ROR2: variants seen among roughly 807,000 people sequenced by gnomAD.
ROR2 encodes the protein ROR family WNT receptor 2.
Under a neutral mutation model 74.9 loss-of-function variants are expected in ROR2, and 33 were observed. That is an observed-to-expected ratio of 0.44 (90% CI 0.33 to 0.59). The LOEUF (loss-of-function observed/expected upper bound fraction) is 0.59. ROR2 is among the 20% of genes least tolerant of loss of function. The probability of loss-of-function intolerance (pLI) is 0.02; values close to 1 mark genes in which losing one functional copy is unlikely to be tolerated. For synonymous variants in ROR2, 586 were observed against 558.7 expected, an observed-to-expected ratio of 1.05 and a Z score of -0.69; for missense variants, 1,216 against 1,313.8, an observed-to-expected ratio of 0.93 and a Z score of 1.15.
chr9:91,736,825 C>A (rs1009950527), intron 5 of ROR2, among the ~76,000 whole-genome samples: 1 of 152,170 alleles, frequency 6.6e-6, no homozygotes, highest in Non-Finnish European at 1.5e-5. Context: ...CTTTCTCAGA[C>A]CCTGAACCAG....
At chr9:91,893,374 C>T (rs113787122) in intron 1 of ROR2, among the ~76,000 whole-genome samples, 9,192 of 151,870 alleles carry the variant, frequency 0.061, 434 homozygotes, top group African/African-American at 0.12. Flanking sequence ...AGGAAGGCGG[C>T]GGTTGCAGTG....
chr9:91,729,277 A>G (rs1587661029), intron 7 of ROR2, among the ~76,000 whole-genome samples: 1 of 152,222 alleles, frequency 6.6e-6, no homozygotes, highest in East Asian at 1.9e-4. Context: ...CCTCTAACAC[A>G]GTTCTGTCCT....
At chr9:91,874,726 C>A (rs1829906929) in intron 1 of ROR2, among the ~76,000 whole-genome samples, 1 of 152,016 alleles carries the variant, frequency 6.6e-6, no homozygotes, top group Non-Finnish European at 1.5e-5. Flanking sequence ...ACCTGAGGTC[C>A]CGAGTTTGAG....
At chr9:91,761,665 A>C (rs911255839) in intron 2 of ROR2, among the ~76,000 whole-genome samples, 7 of 152,202 alleles carry the variant, frequency 4.6e-5, no homozygotes, top group African/African-American at 1.4e-4. Flanking sequence ...CCCAGTTCCT[A>C]ACAGGCCACG....
In ROR2 at chr9:91,880,009, G is replaced by A. The variant is rs534603002; in HGVS notation, c.97+69858C>T. Among the ~76,000 whole-genome samples the A allele has an allele frequency of 1.1e-4, 16 of 152,076 alleles. No individual in the cohort carries two copies. In the South Asian group the frequency reaches 2.3e-3, roughly 22 times the overall value. On this transcript the variant is annotated intron_variant, in intron 1 of 8. Transcript: ENST00000375708. ...CAAAGCATAGCTCCTAATTATTATCGGCTGAATTGTGACCTCCAAAATTCG... is the reference window on the plus strand; with the variant it reads ...CAAAGCATAGCTCCTAATTATTATCAGCTGAATTGTGACCTCCAAAATTCG...
At chr9:91,926,915 G>T (rs746744961) in intron 1 of ROR2, among the ~76,000 whole-genome samples, 8 of 152,172 alleles carry the variant, frequency 5.3e-5, no homozygotes, top group Non-Finnish European at 1.0e-4. Context: ...GAGATGGATG[G>T]TAGTGAGGTG....
At chr9:91,834,056 C>CT (rs1334616210) in intron 1 of ROR2, among the ~76,000 whole-genome samples, 1 of 152,180 alleles carries the variant, frequency 6.6e-6, no homozygotes, top group African/African-American at 2.4e-5. Context: ...CTCATTCCGG[C>CT]TTTTGTTCCA....
chr9:91,742,146 G>A (rs749094309), intron 4 of ROR2, among the ~76,000 whole-genome samples: 1 of 152,146 alleles, frequency 6.6e-6, no homozygotes, highest in Non-Finnish European at 1.5e-5. Flanking sequence ...TTCTTACATT[G>A]GCAGCGGCAA....
chr9:91,875,479 T>C (rs907314885), intron 1 of ROR2, among the ~76,000 whole-genome samples: 2 of 152,226 alleles, frequency 1.3e-5, no homozygotes, highest in South Asian at 2.1e-4. Flanking sequence ...CAAATTATGA[T>C]ACCCACCAGT....
chr9:91,769,896 A>G (rs903884975), intron 2 of ROR2, among the ~76,000 whole-genome samples: 1 of 152,154 alleles, frequency 6.6e-6, no homozygotes, highest in African/African-American at 2.4e-5. Context: ...AGAGACTCTG[A>G]GCGCCCAGCA....
At chr9:91,852,637 ACACACACACACACC>A (rs971072608) in intron 1 of ROR2, among the ~76,000 whole-genome samples, 3 of 151,452 alleles carry the variant, frequency 2.0e-5, no homozygotes, top group Middle Eastern at 3.4e-3. Context: ...ACACACACAC[ACACACACACACACC>A]CACACACACA....
intron 4 of ROR2, among the ~76,000 whole-genome samples, chr9:91,751,385 CA>C (rs1825592166): frequency 6.6e-6 from 1 of 152,026 alleles, no homozygotes; most frequent in Non-Finnish European, 1.5e-5. Context: ...AAACAGAACA[CA>C]AAAAGGTGAA....
intron 2 of ROR2, among the ~76,000 whole-genome samples, chr9:91,769,323 C>T (rs113165497): frequency 5.9e-4 from 90 of 152,218 alleles, no homozygotes; most frequent in African/African-American, 2.0e-3. Flanking sequence ...TAGCTCCAGC[C>T]GACACCCGCA....
chr9:91,829,814 T>C (rs1197271105), intron 1 of ROR2, among the ~76,000 whole-genome samples: 1 of 152,192 alleles, frequency 6.6e-6, no homozygotes, highest in African/African-American at 2.4e-5. Context: ...TTAGGTACTA[T>C]AAATAATGAT....
rs188664244 is a variant in ROR2 at position 91,874,890 on chromosome 9, G to T, written c.97+74977C>A. Among the ~76,000 whole-genome samples, 175 of 150,618 alleles carry T rather than the reference G, an allele frequency of 1.2e-3. 1 individual carries two copies. In the East Asian group the frequency reaches 0.031, roughly 26 times the overall value. ...GTGGAGGTTGCAGTGAGCTGAGATC[G>T]CCATTGCACTCCAGCCTGGGCAACA... is the stretch of plus-strand genomic sequence containing the variant. On this transcript the variant is annotated intron_variant, in intron 1 of 8. Coordinates refer to ENST00000375708, the MANE Select transcript of ROR2 (RefSeq NM_004560.4).
intron 1 of ROR2, among the ~76,000 whole-genome samples, chr9:91,876,765 G>A (rs1362029610): frequency 6.6e-6 from 1 of 152,052 alleles, no homozygotes; most frequent in Non-Finnish European, 1.5e-5. Flanking sequence ...ACATTAAAAG[G>A]AAAATTCAAC....
chr9:91,947,449 C>T (rs901531536), intron 1 of ROR2, among the ~76,000 whole-genome samples: 2 of 152,210 alleles, frequency 1.3e-5, no homozygotes, highest in African/African-American at 4.8e-5. Context: ...AATATGTTGC[C>T]TTACTATATA....
chr9:91,846,994 T>C (rs1372994561), intron 1 of ROR2, among the ~76,000 whole-genome samples: 1 of 151,920 alleles, frequency 6.6e-6, no homozygotes, highest in East Asian at 1.9e-4. Context: ...GGATTCACCA[T>C]GGGGCAGAGC....
intron 4 of ROR2, among the ~76,000 whole-genome samples, chr9:91,753,901 G>A (rs1441339419): frequency 6.6e-6 from 1 of 152,154 alleles, no homozygotes; most frequent in Admixed American, 6.5e-5. Flanking sequence ...CTCATCAATA[G>A]TGTATAGGTA....
Sources: allele counts gnomAD v4.1 joint callset (sites outside exome capture counted in the v4.1 genomes callset), GRCh38; gene constraint gnomAD v4.1.1; transcripts MANE v1.5; gene names NCBI Gene and HGNC (gene_info 2026-07-23, HGNC 2026-07-21).